Variants in EIF2AK1 observed in about 807,000 individuals in gnomAD.
EIF2AK1 encodes eukaryotic translation initiation factor 2-alpha kinase 1.
EIF2AK1 carries 54 observed loss-of-function variants against 77.9 expected under a neutral mutation model. The observed-to-expected ratio is 0.69, with a 90% CI of 0.56 to 0.87. EIF2AK1 has a LOEUF of 0.87. Ranked by LOEUF, EIF2AK1 falls within the 40% of genes least tolerant of loss-of-function variation. The probability of loss-of-function intolerance (pLI) is 0.00; values close to 1 mark genes in which losing one functional copy is unlikely to be tolerated. For synonymous variants in EIF2AK1, 314 were observed against 290.5 expected (o/e 1.08, Z -0.82); for missense variants, 810 against 768.6 (o/e 1.05, Z -0.64).
intron 11 of EIF2AK1, among the ~76,000 whole-genome samples, chr7:6,029,551 T>C (rs1406166135): frequency 1.3e-5 from 2 of 151,896 alleles, no homozygotes; most frequent in Non-Finnish European, 2.9e-5. Context: ...TCAGAACTCC[T>C]GCGGGTGAAC....
intron 7 of EIF2AK1, among the ~76,000 whole-genome samples, chr7:6,043,959 C>T (rs947874084): frequency 1.1e-4 from 16 of 151,238 alleles, no homozygotes; most frequent in African/African-American, 3.6e-4. Context: ...ATTAGCCAGG[C>T]GTGGCGGCAC....
At chr7:6,056,636 A>ATATATATATATATATATAT (rs1554324739) in intron 1 of EIF2AK1, among the ~76,000 whole-genome samples, 3 of 118,890 alleles carry the variant, frequency 2.5e-5, no homozygotes, top group Non-Finnish European at 3.5e-5. Context: ...ATATATATAT[A>ATATATATATATATATATAT]AACTCTGTCT....
chr7:6,046,655 G>A (rs1298389870), intron 5 of EIF2AK1: 2 of 188,372 alleles, frequency 1.1e-5, no homozygotes, highest in Non-Finnish European at 2.2e-5. Flanking sequence ...TGTAATGCCA[G>A]CACTTTGGAA....
At position 6,023,422 on chromosome 7, in the gene EIF2AK1, C is replaced by G. The variant is rs749640780; in HGVS notation, c.*1251G>C. On this transcript the variant is annotated 3_prime_UTR_variant, in exon 15 of 15. Transcript: ENST00000199389. The stretch of plus-strand genomic sequence containing the variant: ...GAAGCATAATGCTGTCAACGCAACC[C>G]TTATAGATAGCTGGGTAGATATTGC... 6.2e-7 allele frequency: 1 copy of G among 1,614,206 alleles called. No individual in the cohort carries two copies. The highest frequency in any genetic ancestry group is 8.5e-7 in the Non-Finnish European group (1 of 1,180,034).
intron 2 of EIF2AK1, among the ~76,000 whole-genome samples, chr7:6,050,391 C>T (rs991783480): frequency 3.3e-5 from 5 of 151,824 alleles, no homozygotes; most frequent in African/African-American, 9.7e-5. Flanking sequence ...GACGGGGTTT[C>T]GCCACATTGG....
Position 6,022,387 on chromosome 7 carries a change from A to G in EIF2AK1, c.*2286T>C, listed in dbSNP as rs971662295. The stretch of plus-strand genomic sequence containing the variant: ...TTAGTGCTTAAGTTTTGAAGGAGTC[A>G]GAAGTTTTATGTGGATTTTCGACTG... On this transcript the variant is annotated 3_prime_UTR_variant, in exon 15 of 15. Transcript: ENST00000199389. The G allele has an allele frequency of 2.0e-5, 3 of 152,232 alleles. No individual in the cohort carries two copies. The highest frequency in any genetic ancestry group is 2.9e-5 in the Non-Finnish European group (2 of 68,060). The allele number at this position is 152,232 out of a possible 1,614,324, so 9.4% of individuals were successfully genotyped here. A position where few individuals can be genotyped will look rare whatever the true frequency, so the allele number is the denominator to read the frequency against.
chr7:6,035,960 G>C lies in EIF2AK1; in HGVS notation c.1332+1464C>G, dbSNP rs1343138841. 14 of 1,549,592 alleles carry C rather than the reference G, an allele frequency of 9.0e-6. No homozygotes were observed. The highest frequency in any genetic ancestry group is 1.0e-5 in the Non-Finnish European group (12 of 1,146,260). On this transcript the variant is annotated intron_variant, in intron 11 of 14. Transcript: ENST00000199389. The surrounding 1 kb of genome is among the most constrained non-coding windows in gnomAD (Gnocchi z 5.5). The stretch of plus-strand genomic sequence containing the variant: ...CCAAAGTCAACGCCCAGGACTACAA[G>C]GGCCAAACAGCCATCCATGAGGCAT...
intron 1 of EIF2AK1, chr7:6,057,623 A>C (rs1285312359): frequency 6.6e-6 from 1 of 151,402 alleles, no homozygotes; most frequent in African/African-American, 2.4e-5. Context: ...GAAAAAAAAA[A>C]CCTGAATCAA....
chr7:6,025,350 T>C (rs537536104), intron 14 of EIF2AK1, among the ~76,000 whole-genome samples: 4 of 150,904 alleles, frequency 2.7e-5, no homozygotes, highest in Non-Finnish European at 5.9e-5. Context: ...TTAGTAGAGA[T>C]GGGGTTTTAC....
At chr7:6,039,898 C>G (rs1249445508) in intron 9 of EIF2AK1, among the ~76,000 whole-genome samples, 1 of 150,726 alleles carries the variant, frequency 6.6e-6, no homozygotes, top group African/African-American at 2.4e-5. Flanking sequence ...GATCATGCCA[C>G]TGTACTCCAG....
At chr7:6,054,910 G>C (rs952834901) in intron 1 of EIF2AK1, among the ~76,000 whole-genome samples, 1 of 152,150 alleles carries the variant, frequency 6.6e-6, no homozygotes, top group African/African-American at 2.4e-5. Flanking sequence ...AGGATCAGCA[G>C]AAAGATGCCG....
In EIF2AK1 at chr7:6,054,613, A is replaced by T. The variant is rs775064842; in HGVS notation, c.210T>A (p.Val70=). The T allele has an allele frequency of 1.9e-6, 3 of 1,614,218 alleles. No homozygotes were observed. The highest frequency in any genetic ancestry group is 2.5e-6 in the Non-Finnish European group (3 of 1,180,040). Residue 70 remains valine, a synonymous_variant, in exon 2 of 15, where the codon GTT becomes GTA. Transcript: ENST00000199389. Reference sequence around the variant, plus strand: ...CGTGGCTCAAGTGCTCCAGCAAAGAAACCAGCAAGAGTTGGTTTGCAACTG... The same window carrying T: ...CGTGGCTCAAGTGCTCCAGCAAAGATACCAGCAAGAGTTGGTTTGCAACTG... ...PFAVANQLLL[V]SLLEHLSHVH...
chr7:6,055,227 C>A (rs1788715758), intron 1 of EIF2AK1, among the ~76,000 whole-genome samples: 1 of 151,114 alleles, frequency 6.6e-6, no homozygotes, highest in African/African-American at 2.4e-5. Flanking sequence ...CCTGTAATCC[C>A]AGCTACTCAG....
chr7:6,050,158 T>G (rs1301507153), intron 2 of EIF2AK1, 113 bp from the exon 3 acceptor site: 1 of 775,690 alleles, frequency 1.3e-6, no homozygotes, highest in Non-Finnish European at 2.0e-6. Flanking sequence ...AAAACCTCAA[T>G]AGGAAAAATA....
At position 6,038,678 on chromosome 7, in the gene EIF2AK1, G is replaced by A. The variant is rs376459131; in HGVS notation, c.1120-7C>T. Reference sequence around the variant, plus strand: ...GCATCAGGTGGTACTGTGCCTAGGAGAGGACACAGTGATGGCTCCCATCTT... The same window carrying A: ...GCATCAGGTGGTACTGTGCCTAGGAAAGGACACAGTGATGGCTCCCATCTT... On this transcript the variant is annotated splice_region_variant and splice_polypyrimidine_tract_variant and intron_variant, in intron 9 of 14. Coordinates refer to ENST00000199389, the MANE Select transcript of EIF2AK1 (RefSeq NM_014413.4). 5.0e-5 allele frequency: 79 copies of A among 1,595,556 alleles called. No individual in the cohort carries two copies. Among genetic ancestry groups the A allele is most frequent in the Non-Finnish European group, 6.6e-5 (77 of 1,170,320 alleles).
At chr7:6,052,584 TAAAAAAAAAA>T (rs56106343) in intron 2 of EIF2AK1, among the ~76,000 whole-genome samples, 22 of 97,174 alleles carry the variant, frequency 2.3e-4, no homozygotes, top group Non-Finnish European at 4.0e-4. Context: ...ACTGTTTTGG[TAAAAAAAAAA>T]AAAAAAAAAA....
In EIF2AK1 at chr7:6,028,677, T is replaced by C. The variant is rs755878275; in HGVS notation, c.1468A>G (p.Arg490Gly). ...GAAGCGTACAGACAAGTACCCACTCTGGACGTATGTGTTGGTGTTCCTATC... is the reference window on the plus strand; with the variant it reads ...GAAGCGTACAGACAAGTACCCACTCCGGACGTATGTGTTGGTGTTCCTATC... ...NGKRTPTHTSRVGTCLYASPE... is the reference protein window; with the variant it reads ...NGKRTPTHTSGVGTCLYASPE... Residue 490 changes from arginine (R) to glycine (G), a missense_variant, in exon 13 of 15, where the codon AGA becomes GGA. This residue lies in a region of EIF2AK1 where 549 missense variants were observed against 533.7 expected (regional missense o/e 1.03). Coordinates refer to ENST00000199389, the MANE Select transcript of EIF2AK1 (RefSeq NM_014413.4). The C allele has an allele frequency of 5.6e-6, 9 of 1,614,142 alleles. No homozygotes were observed. The South Asian group carries it at 9.9e-5, about 18-fold the overall frequency.
Position 6,024,006 on chromosome 7 carries a change from C to T in EIF2AK1, c.*667G>A, listed in dbSNP as rs112928096. The T allele has an allele frequency of 2.7e-5, 36 of 1,336,732 alleles. No individual in the cohort carries two copies. In the East Asian group the frequency reaches 1.0e-3, roughly 38 times the overall value. The allele number at this position is 1,336,732 out of a possible 1,614,324, so 82.8% of individuals were successfully genotyped here. ...AGTGCTACAATAAAGGAGGAAGTAC[C>T]GGGGAACAGTGCAGGGCAAAGGCAG... On this transcript the variant is annotated 3_prime_UTR_variant, in exon 15 of 15. Coordinates refer to ENST00000199389, the MANE Select transcript of EIF2AK1 (RefSeq NM_014413.4).
rs528684241 is a variant in EIF2AK1, at chr7:6,028,438, G to C, written c.1530+177C>G. On this transcript the variant is annotated intron_variant, in intron 13 of 14. Coordinates refer to ENST00000199389, the MANE Select transcript of EIF2AK1 (RefSeq NM_014413.4). ...AGATAATTTTTGTATTTTTAGTAGAGACCAGGTTTCACCATGTTGACCAGG... is the reference window on the plus strand; with the variant it reads ...AGATAATTTTTGTATTTTTAGTAGACACCAGGTTTCACCATGTTGACCAGG... Among the ~76,000 whole-genome samples the C allele has an allele frequency of 1.3e-3, 198 of 152,278 alleles. 4 individuals are homozygous for C. The highest frequency in any genetic ancestry group is 5.6e-4 in the Non-Finnish European group (38 of 68,024).
Sources: gnomAD v4.1 joint callset for allele counts (sites outside exome capture counted in the v4.1 genomes callset) on GRCh38, gnomAD v4.1.1 for gene constraint, gnomAD v4.1.1 regional missense constraint, Gnocchi (gnomAD v3.1) non-coding constraint, MANE v1.5 for transcripts, NCBI Gene and HGNC (gene_info 2026-07-23, HGNC 2026-07-21) for gene names.